LRRC4C: variants seen among roughly 807,000 people sequenced by gnomAD.
LRRC4C encodes the protein leucine rich repeat containing 4C.
A neutral mutation model predicts 33.6 loss-of-function variants in LRRC4C; 5 were observed. The observed-to-expected ratio is 0.15, with a 90% CI of 0.08 to 0.31. The LOEUF (loss-of-function observed/expected upper bound fraction) is 0.31, where lower values mean the gene tolerates loss of function less well. Among genes scored for constraint, LRRC4C ranks in the 10% least tolerant of loss-of-function variants. The pLI is 1.00. For missense variants in LRRC4C, 560 were observed against 796.7 expected (o/e 0.70, Z 3.58); for synonymous variants, 329 against 302.0 (o/e 1.09, Z -0.93).
intron 3 of LRRC4C, among the ~76,000 whole-genome samples, chr11:40,382,683 C>CTTTTTTTTTTTT (rs1590541837): frequency 1.8e-5 from 2 of 113,336 alleles, no homozygotes; most frequent in African/African-American, 7.5e-5. Flanking sequence ...AACTTGTACT[C>CTTTTTTTTTTTT]ATTTTTTTTT....
intron 1 of LRRC4C, among the ~76,000 whole-genome samples, chr11:41,417,024 A>T (rs1954708147): frequency 6.6e-6 from 1 of 152,054 alleles, no homozygotes; most frequent in Non-Finnish European, 1.5e-5. Flanking sequence ...AAAGAATACC[A>T]GTAGTGAATT....
intron 2 of LRRC4C, among the ~76,000 whole-genome samples, chr11:40,691,607 C>T (rs953403355): frequency 6.6e-6 from 1 of 152,040 alleles, no homozygotes; most frequent in Non-Finnish European, 1.5e-5. Flanking sequence ...AATCACTTCT[C>T]CACAATGGTG....
chr11:40,614,846 C>T (rs1176923014), intron 3 of LRRC4C, among the ~76,000 whole-genome samples: 1 of 151,664 alleles, frequency 6.6e-6, no homozygotes, highest in Non-Finnish European at 1.5e-5. Context: ...ATGGAACACA[C>T]ACAACATTTG....
chr11:41,449,436 T>C (rs1246342099), intron 1 of LRRC4C, among the ~76,000 whole-genome samples: 2 of 152,062 alleles, frequency 1.3e-5, no homozygotes. Context: ...TGGCTTCCAC[T>C]GGGTAAGAAG....
intron 3 of LRRC4C, among the ~76,000 whole-genome samples, chr11:40,365,465 T>C (rs1343300198): frequency 1.3e-5 from 2 of 152,176 alleles, no homozygotes; most frequent in East Asian, 3.9e-4. Flanking sequence ...TATTAAGTTC[T>C]GCCGGTTTTT....
chr11:41,057,278 A>G (rs1010117632), intron 1 of LRRC4C, among the ~76,000 whole-genome samples: 1 of 152,210 alleles, frequency 6.6e-6, no homozygotes, highest in African/African-American at 2.4e-5. Context: ...CACTCGAGGC[A>G]GTGCTGAAAC....
At chr11:40,152,768 C>A (rs1199950935) in intron 5 of LRRC4C, among the ~76,000 whole-genome samples, 1 of 152,134 alleles carries the variant, frequency 6.6e-6, no homozygotes, top group Non-Finnish European at 1.5e-5. Context: ...CCCCATCCCC[C>A]ACAGCAGCCA....
intron 2 of LRRC4C, among the ~76,000 whole-genome samples, chr11:40,811,196 C>T (rs1344357224): frequency 6.6e-6 from 1 of 152,034 alleles, no homozygotes; most frequent in African/African-American, 2.4e-5. Flanking sequence ...TCACACAGAT[C>T]TCACTTCAAA....
chr11:40,715,987 A>G (rs1430766081), intron 2 of LRRC4C, among the ~76,000 whole-genome samples: 1 of 152,010 alleles, frequency 6.6e-6, no homozygotes, highest in African/African-American at 2.4e-5. Flanking sequence ...CTGAGCCGAG[A>G]TTGCACCACT....
chr11:40,828,917 T>C (rs1952285325), intron 2 of LRRC4C, among the ~76,000 whole-genome samples: 2 of 152,068 alleles, frequency 1.3e-5, no homozygotes, highest in South Asian at 4.1e-4. Flanking sequence ...AAATAATTAT[T>C]TAAAATCTTT....
chr11:40,282,337 T>A (rs945987001), intron 4 of LRRC4C, among the ~76,000 whole-genome samples: 1 of 151,882 alleles, frequency 6.6e-6, no homozygotes, highest in African/African-American at 2.4e-5. Flanking sequence ...AGAGTGAGAC[T>A]CCATCTCAAA....
intron 2 of LRRC4C, among the ~76,000 whole-genome samples, chr11:40,842,435 T>G (rs1371882852): frequency 6.6e-6 from 1 of 152,326 alleles, no homozygotes; most frequent in African/African-American, 2.4e-5. Context: ...AAATAATAAT[T>G]GCATATATTT....
intron 2 of LRRC4C, among the ~76,000 whole-genome samples, chr11:40,745,451 TA>T (rs1172083202): frequency 6.6e-6 from 1 of 152,196 alleles, no homozygotes; most frequent in East Asian, 1.9e-4. Context: ...CATTTTGACT[TA>T]AAGTGAATCT....
intron 1 of LRRC4C, among the ~76,000 whole-genome samples, chr11:41,066,843 C>T (rs1938279643): frequency 6.6e-6 from 1 of 152,132 alleles, no homozygotes; most frequent in Non-Finnish European, 1.5e-5. Context: ...GAAATAAAAT[C>T]CTTTCCAGAC....
At chr11:40,674,724 A>G (rs1944310663) in intron 2 of LRRC4C, among the ~76,000 whole-genome samples, 1 of 152,164 alleles carries the variant, frequency 6.6e-6, no homozygotes, top group South Asian at 2.1e-4. Context: ...ATATAATAAT[A>G]ATGATGATTA....
In LRRC4C at chr11:40,500,283, TATATATATATACAC is replaced by T. The variant is rs1327382405; in HGVS notation, c.-270+147845_-270+147858del. 7.1e-3 allele frequency among the ~76,000 whole-genome samples: 468 copies of T among 66,220 alleles called. 2 individuals are homozygous for T. Among genetic ancestry groups the T allele is most frequent in the Non-Finnish European group, 0.011 (366 of 34,580 alleles). The allele number at this position is 66,220 out of a possible 152,430, so 43.4% of individuals were successfully genotyped here. ...TAACCTAATGTCTGATATATATATATATATATATATACACACACACACACACACACACACACACA... is the reference window on the plus strand; with the variant it reads ...TAACCTAATGTCTGATATATATATATACACACACACACACACACACACACA... On this transcript the variant is annotated intron_variant, in intron 3 of 6. Transcript: ENST00000528697.
At chr11:40,832,499 A>G (rs913653459) in intron 2 of LRRC4C, among the ~76,000 whole-genome samples, 2 of 152,178 alleles carry the variant, frequency 1.3e-5, no homozygotes, top group African/African-American at 4.8e-5. Context: ...ATACTTTATT[A>G]ATAAATCCCA....
intron 4 of LRRC4C, among the ~76,000 whole-genome samples, chr11:40,306,564 G>T (rs908570878): frequency 2.0e-5 from 3 of 152,218 alleles, no homozygotes; most frequent in Admixed American, 6.5e-5. Context: ...TTCAGATCCT[G>T]ACCACTCTTC....
intron 3 of LRRC4C, among the ~76,000 whole-genome samples, chr11:40,599,443 G>C (rs1412176144): frequency 2.0e-5 from 3 of 152,264 alleles, no homozygotes; most frequent in Non-Finnish European, 2.9e-5. Flanking sequence ...GCGAGACCCT[G>C]TCTGAAGAAT....
Sources: gnomAD v4.1 joint callset for allele counts (sites outside exome capture counted in the v4.1 genomes callset) on GRCh38, gnomAD v4.1.1 for gene constraint, MANE v1.5 for transcripts, NCBI Gene and HGNC (gene_info 2026-07-23, HGNC 2026-07-21) for gene names.